Variants in SLC7A4 observed in about 807,000 individuals in gnomAD.
SLC7A4 encodes cationic amino acid transporter 4.
In SLC7A4, 30 loss-of-function variants were observed where a neutral mutation model predicts 37.8. The observed-to-expected ratio is 0.79, with a 90% CI of 0.59 to 1.08. The LOEUF (loss-of-function observed/expected upper bound fraction) is 1.08. Ranked by LOEUF, SLC7A4 falls within the 50% of genes least tolerant of loss-of-function variation. The pLI is 0.00. For missense variants in SLC7A4, 839 were observed against 843.2 expected (o/e 1.00, Z 0.06); for synonymous variants, 359 against 376.5 (o/e 0.95, Z 0.54).
Position 21,029,165 on chromosome 22 carries a change from G to A in SLC7A4, c.1798C>T (p.Leu600=). The A allele has an allele frequency of 6.2e-7, 1 of 1,614,028 alleles. No individual in the cohort carries two copies. Among genetic ancestry groups the A allele is most frequent in the Non-Finnish European group, 8.5e-7 (1 of 1,180,016 alleles). Reference sequence around the variant, plus strand: ...AATACCACGTAGTGTGTGGAGTTCAGCCCTGGCAGCTCCCGCTGGTTCTCC... The same window carrying A: ...AATACCACGTAGTGTGTGGAGTTCAACCCTGGCAGCTCCCGCTGGTTCTCC... ...SKENQRELPG[L]NSTHYVVFPR... Residue 600 remains leucine (L), a synonymous_variant, in exon 5 of 5, where the codon CTG becomes TTG. Coordinates refer to ENST00000382932, the MANE Select transcript of SLC7A4 (RefSeq NM_004173.3).
intron 1 of SLC7A4, 54 bp from the exon 2 acceptor site, chr22:21,031,906 TC>T (rs1360789150): frequency 7.6e-7 from 1 of 1,316,794 alleles, no homozygotes. Context: ...TGACCAGCCT[TC>T]CATCCCTCCT....
rs1928798769 is a variant in SLC7A4, at chr22:21,029,395, C to T, written c.1673G>A (p.Cys558Tyr). 6.2e-7 allele frequency: 1 copy of T among 1,613,682 alleles called. No homozygotes were observed. The highest frequency in any genetic ancestry group is 1.7e-5 in the Admixed American group (1 of 60,000). ...IPALSIVLNI[C>Y]LMLKLSYLTW... ...CAGATAGCTAAGTTTCAGCATGAGGCAGATGTTGAGGACGATGCTCAGGGC... is the reference window on the plus strand; with the variant it reads ...CAGATAGCTAAGTTTCAGCATGAGGTAGATGTTGAGGACGATGCTCAGGGC... The change falls in exon 4 of 5, where the codon TGC (cysteine) becomes TAC (tyrosine). Residue 558 changes from cysteine to tyrosine, a missense_variant. Cys to Tyr is a radical substitution (Grantham distance 194). Coordinates refer to ENST00000382932, the MANE Select transcript of SLC7A4 (RefSeq NM_004173.3).
Position 21,031,458 on chromosome 22 carries a change from C to T in SLC7A4, c.355G>A (p.Gly119Ser), listed in dbSNP as rs763591085. Residue 119 changes from glycine (G) to serine (S), a missense_variant, in exon 2 of 5, where the codon GGC becomes AGC. Transcript: ENST00000382932. ...SMGELWAFLI[G>S]WNVLLEYIIG... Reference sequence around the variant, plus strand: ...ATGTATTCGAGGAGAACATTCCAGCCGATGAGGAAGGCCCACAGCTCGCCC... The same window carrying T: ...ATGTATTCGAGGAGAACATTCCAGCTGATGAGGAAGGCCCACAGCTCGCCC... 1.4e-5 allele frequency: 22 copies of T among 1,602,638 alleles called. No homozygotes were observed. In the Admixed American group the frequency reaches 1.5e-4, roughly 11 times the overall value.
chr22:21,031,824 G>C lies in SLC7A4; in HGVS notation c.-12C>G. ...AGCCCCCGGGCCATGGCAGGTGGCC[G>C]AGAAGAGCACCGAGCCAGCTACTGG... On this transcript the variant is annotated 5_prime_UTR_variant, in exon 2 of 5. Transcript: ENST00000382932. The C allele has an allele frequency of 6.7e-7, 1 of 1,481,754 alleles. No individual in the cohort carries two copies. The highest frequency in any genetic ancestry group is 8.9e-7 in the Non-Finnish European group (1 of 1,122,586). 91.8% of individuals were successfully genotyped at this position (1,481,754 alleles called of 1,614,324 possible). A position where few individuals can be genotyped will look rare whatever the true frequency, so the allele number is the denominator to read the frequency against.
Position 21,031,066 on chromosome 22 carries a change from C to T in SLC7A4, c.747G>A (p.Val249=), listed in dbSNP as rs1569186344. 1.2e-6 allele frequency: 2 copies of T among 1,614,106 alleles called. No individual in the cohort carries two copies. The highest frequency in any genetic ancestry group is 1.7e-6 in the Non-Finnish European group (2 of 1,180,038). ...TGGAGGCGGCAATGACGTCGAAGCC[C>T]ACGAAAGCATAGAAGCAGGAGGCAG... The part of the protein sequence containing the change: ...AGTASCFYAF[V]GFDVIAASSE... Residue 249 remains valine, a synonymous_variant, in exon 2 of 5, where the codon GTG becomes GTA. Coordinates refer to ENST00000382932, the MANE Select transcript of SLC7A4 (RefSeq NM_004173.3).
chr22:21,031,262 ACAAAGG>A lies in SLC7A4; in HGVS notation c.545_550del (p.Ala182_Phe183del). The A allele has an allele frequency of 6.2e-7, 1 of 1,612,932 alleles. No individual in the cohort carries two copies. The highest frequency in any genetic ancestry group is 8.5e-7 in the Non-Finnish European group (1 of 1,179,454). ...GGAGGACACGCGGGCTCCACAGGAG[ACAAAGG>A]CAGAGGCCAGGAGGATGATGCCAGC... On this transcript the variant is annotated inframe_deletion, in exon 2 of 5. Coordinates refer to ENST00000382932, the MANE Select transcript of SLC7A4 (RefSeq NM_004173.3).
At position 21,029,315 on chromosome 22, in the gene SLC7A4, C is replaced by T. The variant is rs150142480; in HGVS notation, c.1732+21G>A. On this transcript the variant is annotated intron_variant, in intron 4 of 4. Coordinates refer to ENST00000382932, the MANE Select transcript of SLC7A4 (RefSeq NM_004173.3). The stretch of plus-strand genomic sequence containing the variant: ...TCTTTGCCCTCCTCCTGACCCCGGT[C>T]CCAGCCTGGCCCCCACTCACCCATC... 67 of 1,611,998 alleles carry T rather than the reference C, an allele frequency of 4.2e-5. 1 individual carries two copies. In the African/African-American group the frequency reaches 7.1e-4, roughly 17 times the overall value.
chr22:21,030,716 G>A (rs1928854620), intron 2 of SLC7A4, 115 bp downstream of exon 2: 4 of 1,244,068 alleles, frequency 3.2e-6, no homozygotes, highest in Non-Finnish European at 4.4e-6. Flanking sequence ...CACTTTCCTT[G>A]CCCCATTATG....
At chr22:21,029,530 A>G in intron 3 of SLC7A4, 86 bp from the exon 4 acceptor site, 2 of 1,259,674 alleles carry the variant, frequency 1.6e-6, no homozygotes, top group Non-Finnish European at 2.3e-6. Context: ...GAATCCATAG[A>G]GCCTTTGTTC....
rs752942848 is a variant in SLC7A4, at chr22:21,030,851, A to G, written c.962T>C (p.Val321Ala). Reference sequence around the variant, plus strand: ...CTCACCGCAGATGGAGCCAGCTGCCACGATGAAGCCAGCCCACCTGTAGCC... The same window carrying G: ...CTCACCGCAGATGGAGCCAGCTGCCGCGATGAAGCCAGCCCACCTGTAGCC... ...QRGYRWAGFI[V>A]AAGSICAMNT... Residue 321 changes from valine (V) to alanine (A), a missense_variant, in exon 2 of 5, where the codon GTG (valine) becomes GCG (alanine). Val to Ala is a moderately conservative substitution (Grantham distance 64). Coordinates refer to ENST00000382932, the MANE Select transcript of SLC7A4 (RefSeq NM_004173.3). The G allele has an allele frequency of 4.6e-5, 73 of 1,595,018 alleles. 1 individual carries two copies. In the South Asian group the frequency reaches 8.0e-4, roughly 17 times the overall value.
chr22:21,030,784 C>T (rs763697198), intron 2 of SLC7A4, 47 bp downstream of exon 2: 1 of 1,512,016 alleles, frequency 6.6e-7, no homozygotes, highest in African/African-American at 1.4e-5. Flanking sequence ...AGGACAAGGT[C>T]CCCCTTGCTC....
At position 21,029,194 on chromosome 22, in the gene SLC7A4, C is replaced by T; in HGVS notation, c.1769G>A (p.Ser590Asn). ...TGGCAGCTCCCGCTGGTTCTCCTTG[C>T]TATGCCGGATGCCATAGCCGAAATA... ...AVYFGYGIRH[S>N]KENQRELPGL... Residue 590 changes from serine (S) to asparagine (N), a missense_variant, in exon 5 of 5, where the codon AGC (serine) becomes AAC (asparagine). Physicochemically the swap from Ser to Asn is conservative, Grantham distance 46. Transcript: ENST00000382932. 1.2e-6 allele frequency: 2 copies of T among 1,613,962 alleles called. No homozygotes were observed. Among genetic ancestry groups the T allele is most frequent in the Non-Finnish European group, 1.7e-6 (2 of 1,180,002 alleles).
chr22:21,031,449 C>G lies in SLC7A4; in HGVS notation c.364G>C (p.Val122Leu), dbSNP rs759115334. 3 of 1,601,114 alleles carry G rather than the reference C, an allele frequency of 1.9e-6. No homozygotes were observed. Among genetic ancestry groups the G allele is most frequent in the Non-Finnish European group, 2.6e-6 (3 of 1,173,788 alleles). The change falls in exon 2 of 5, where the codon GTT becomes CTT. Residue 122 changes from valine (V) to leucine (L), a missense_variant. Val to Leu is a conservative substitution (Grantham distance 32). Transcript: ENST00000382932. Reference sequence around the variant, plus strand: ...CCACCGATGATGTATTCGAGGAGAACATTCCAGCCGATGAGGAAGGCCCAC... The same window carrying G: ...CCACCGATGATGTATTCGAGGAGAAGATTCCAGCCGATGAGGAAGGCCCAC... ...ELWAFLIGWN[V>L]LLEYIIGGAA...
At position 21,030,209 on chromosome 22, in the gene SLC7A4, C is replaced by T. The variant is rs773320175; in HGVS notation, c.1125G>A (p.Gly375=). Residue 375 remains glycine (G), a synonymous_variant, in exon 3 of 5, where the codon GGG becomes GGA. Coordinates refer to ENST00000382932, the MANE Select transcript of SLC7A4 (RefSeq NM_004173.3). ...QVPVAGTLAF[G]LLTAFLALLL... is the part of the protein sequence containing the mutation. ...GCAGTGCCAGGAAGGCCGTGAGGAG[C>T]CCGAACGCCAGGGTGCCCGCCACAG... 3 of 1,613,570 alleles carry T rather than the reference C, an allele frequency of 1.9e-6. No homozygotes were observed. The highest frequency in any genetic ancestry group is 4.5e-5 in the East Asian group (2 of 44,888).
chr22:21,031,636 T>C lies in SLC7A4; in HGVS notation c.177A>G (p.Thr59=). The C allele has an allele frequency of 6.2e-7, 1 of 1,610,986 alleles. No homozygotes were observed. The highest frequency in any genetic ancestry group is 8.5e-7 in the Non-Finnish European group (1 of 1,178,786). The change falls in exon 2 of 5, where the codon ACA becomes ACG. Residue 59 remains threonine, a synonymous_variant. Coordinates refer to ENST00000382932, the MANE Select transcript of SLC7A4 (RefSeq NM_004173.3). The stretch of plus-strand genomic sequence containing the variant: ...CAGCCACCTCCTTGGCCACGGCACC[T>C]GTGAGCACGTAGAGACCCGAGCCCA... ...GMVGSGLYVL[T]GAVAKEVAGP... is the part of the protein sequence containing the mutation.
rs990665629 is a variant in SLC7A4 at position 21,032,529 on chromosome 22, A to G, written c.-41+2T>C. On this transcript the variant is annotated splice_donor_variant, in intron 1 of 4. Transcript: ENST00000382932. LOFTEE classifies it low-confidence loss of function (5UTR_SPLICE). ...GTCCCCGCAGGATCTGCTGCAACCC[A>G]CCTGCTGCTGCCGCAGCCGCTGCCT... 8.5e-5 allele frequency: 13 copies of G among 152,120 alleles called. No individual in the cohort carries two copies. The highest frequency in any genetic ancestry group is 3.2e-4 in the African/African-American group (13 of 40,542). The allele number at this position is 152,120 out of a possible 1,614,324, so 9.4% of individuals were successfully genotyped here.
rs368488074 is a variant in SLC7A4 at position 21,031,229 on chromosome 22, T to C, written c.584A>G (p.Asn195Ser). Residue 195 changes from asparagine to serine, a missense_variant, in exon 2 of 5, where the codon AAT (asparagine) becomes AGT (serine). Coordinates refer to ENST00000382932, the MANE Select transcript of SLC7A4 (RefSeq NM_004173.3). ...SCGARVSSWL[N>S]HTFSAISLLV... Reference sequence around the variant, plus strand: ...CAGGCTGATGGCCGAGAAGGTGTGATTGAGCCAGGAGGACACGCGGGCTCC... The same window carrying C: ...CAGGCTGATGGCCGAGAAGGTGTGACTGAGCCAGGAGGACACGCGGGCTCC... 8.1e-6 allele frequency: 13 copies of C among 1,613,532 alleles called. No homozygotes were observed. Among genetic ancestry groups the C allele is most frequent in the Admixed American group, 1.7e-5 (1 of 59,998 alleles).
Position 21,029,368 on chromosome 22 carries a change from G to A in SLC7A4, c.1700C>T (p.Thr567Ile), listed in dbSNP as rs772315125. 23 of 1,613,656 alleles carry A rather than the reference G, an allele frequency of 1.4e-5. No individual in the cohort carries two copies. Among genetic ancestry groups the A allele is most frequent in the Admixed American group, 8.3e-5 (5 of 60,010 alleles). Residue 567 changes from threonine to isoleucine, a missense_variant, in exon 4 of 5, where the codon ACC becomes ATC. Thr to Ile is a moderately conservative substitution (Grantham distance 89, BLOSUM62 -1). Coordinates refer to ENST00000382932, the MANE Select transcript of SLC7A4 (RefSeq NM_004173.3). ...CAGCCAGATGGAGAAGCGCACCCAG[G>A]TCAGATAGCTAAGTTTCAGCATGAG... The part of the protein sequence containing the change: ...ICLMLKLSYL[T>I]WVRFSIWLLM...
rs948164736 is a variant in SLC7A4 at position 21,028,956 on chromosome 22, A to C, written c.*99T>G. The C allele has an allele frequency of 1.2e-4, 159 of 1,337,298 alleles. No homozygotes were observed. The highest frequency in any genetic ancestry group is 1.5e-4 in the Non-Finnish European group (152 of 996,944). 82.8% of individuals were successfully genotyped at this position (1,337,298 alleles called of 1,614,324 possible). ...GACTCCCCAGCCTGTGCAGGCCTGC[A>C]AACCCAGGCTGCCCACAACAGAAGG... On this transcript the variant is annotated 3_prime_UTR_variant, in exon 5 of 5. Transcript: ENST00000382932.
Sources: gnomAD v4.1 joint callset for allele counts on GRCh38, gnomAD v4.1.1 for gene constraint, MANE v1.5 for transcripts, NCBI Gene and HGNC (gene_info 2026-07-23, HGNC 2026-07-21) for gene names.